The following TENM1 variants were observed in gnomAD, a reference collection of about 807,000 sequenced individuals.
TENM1 encodes the protein teneurin transmembrane protein 1.
A neutral mutation model predicts 174.8 loss-of-function variants in TENM1; 35 were observed. The observed-to-expected ratio is 0.20, with a 90% CI of 0.15 to 0.27. TENM1 has a LOEUF of 0.27. TENM1 is among the 10% of genes least tolerant of loss of function. The pLI, the probability that TENM1 is intolerant of heterozygous loss-of-function variation, is 1.00. For missense variants in TENM1, 1,633 were observed against 2,130.1 expected (o/e 0.77, Z 4.59); for synonymous variants, 781 against 798.7 (o/e 0.98, Z 0.37).
intron 3 of TENM1, among the ~76,000 whole-genome samples, chrX:124,886,544 TATATAGAG>T (rs1343797135): frequency 8.6e-4 from 73 of 84,420 alleles, no homozygotes; most frequent in East Asian, 1.5e-3. Flanking sequence ...TATATATATA[TATATAGAG>T]AGAGAGAGAG....
At chrX:124,948,140 A>G (rs2058429869) in intron 1 of TENM1, among the ~76,000 whole-genome samples, 1 of 112,500 alleles carries the variant, frequency 8.9e-6, no homozygotes, top group Admixed American at 9.4e-5. Flanking sequence ...TTTAATAAAT[A>G]TGGCTATGTA....
the TENM1 span, among the ~76,000 whole-genome samples, chrX:125,084,606 C>T: frequency 9.0e-6 from 1 of 110,628 alleles, no homozygotes; most frequent in Non-Finnish European, 1.9e-5. Flanking sequence ...ATATACATTT[C>T]ACCTCTTAAT....
At chrX:124,685,161 C>T (rs771496693) in intron 5 of TENM1, among the ~76,000 whole-genome samples, 6 of 110,708 alleles carry the variant, frequency 5.4e-5, no homozygotes, top group Non-Finnish European at 9.5e-5. Context: ...ACAACAACAA[C>T]AACAACAACA....
At chrX:124,830,084 A>G (rs1395933239) in intron 3 of TENM1, among the ~76,000 whole-genome samples, 3 of 111,735 alleles carry the variant, frequency 2.7e-5, no homozygotes, top group Non-Finnish European at 5.6e-5. Context: ...GTTTATTTGC[A>G]TTAGTTAATT....
At chrX:124,535,930 G>C (rs1158489701) in intron 15 of TENM1, among the ~76,000 whole-genome samples, 1 of 111,936 alleles carries the variant, frequency 8.9e-6, no homozygotes, top group African/African-American at 3.2e-5. Flanking sequence ...CAACACTCTG[G>C]ATTGAGCATT....
chrX:124,423,079 G>C (rs757875053), intron 23 of TENM1, among the ~76,000 whole-genome samples: 11 of 112,206 alleles, frequency 9.8e-5, no homozygotes, highest in Non-Finnish European at 2.1e-4. Context: ...CGGTAGCTAT[G>C]ATACTCAAAT....
chrX:124,789,644 G>A (rs948433761), intron 3 of TENM1, among the ~76,000 whole-genome samples: 1 of 111,190 alleles, frequency 9.0e-6, no homozygotes, highest in Non-Finnish European at 1.9e-5. Context: ...AAAACATAAC[G>A]AGAGTCATCT....
At chrX:124,937,350 T>C (rs756262703) in intron 1 of TENM1, among the ~76,000 whole-genome samples, 223 of 111,885 alleles carry the variant, frequency 2.0e-3, no homozygotes, top group Non-Finnish European at 3.7e-3. Context: ...TTCTCCTGTC[T>C]AGACTCTATA....
At chrX:124,842,823 T>G (rs2056528781) in intron 3 of TENM1, among the ~76,000 whole-genome samples, 1 of 110,965 alleles carries the variant, frequency 9.0e-6, no homozygotes, top group South Asian at 3.9e-4. Context: ...GGGACATAAT[T>G]TAGTCCATAG....
chrX:124,414,431 G>A (rs769718194), intron 25 of TENM1, among the ~76,000 whole-genome samples: 54 of 111,170 alleles, frequency 4.9e-4, no homozygotes, highest in African/African-American at 1.4e-3. Context: ...GAGTTGCTAG[G>A]CCCCTCCCTC....
intron 8 of TENM1, among the ~76,000 whole-genome samples, chrX:124,648,770 T>A (rs1386620922): frequency 8.9e-6 from 1 of 112,267 alleles, no homozygotes; most frequent in Non-Finnish European, 1.9e-5. Flanking sequence ...AAAATAAGTA[T>A]AGTTGAATTT....
At chrX:124,848,324 C>T (rs2056651414) in intron 3 of TENM1, among the ~76,000 whole-genome samples, 1 of 110,546 alleles carries the variant, frequency 9.0e-6, no homozygotes, top group Admixed American at 9.6e-5. Flanking sequence ...TGGATACTGC[C>T]CCTGTCAATA....
chrX:124,528,230 G>A (rs903153224), intron 16 of TENM1, among the ~76,000 whole-genome samples: 1 of 110,565 alleles, frequency 9.0e-6, no homozygotes, highest in Non-Finnish European at 1.9e-5. Flanking sequence ...CAGCAGAGGA[G>A]GGGCTTGGGG....
chrX:124,896,179 C>A (rs377038677), exon 2 of TENM1: 1 of 1,209,379 alleles, frequency 8.3e-7, no homozygotes, highest in Admixed American at 2.2e-5. Context: ...TGCCGAGAAA[C>A]GCTGTGCATG....
At chrX:124,756,680 C>G (rs1166265548) in intron 3 of TENM1, among the ~76,000 whole-genome samples, 1 of 110,804 alleles carries the variant, frequency 9.0e-6, no homozygotes, top group Admixed American at 9.5e-5. Flanking sequence ...TGTGGATGTC[C>G]TTTCTGTTTG....
At position 124,410,416 on chromosome X, in the gene TENM1, C is replaced by A. The variant is rs778057986; in HGVS notation, c.4983-3927G>T. ...ATGTTAGACCTAAAACCATAAAAAA[C>A]CCTAGAAGAAAACCTAGGCATTACC... On this transcript the variant is annotated intron_variant, in intron 25 of 31. Coordinates refer to ENST00000422452, the Ensembl canonical transcript of TENM1. Among the ~76,000 whole-genome samples the A allele has an allele frequency of 5.4e-5, 6 of 112,082 alleles. No homozygotes were observed. The East Asian group carries it at 1.7e-3, about 31-fold the overall frequency.
chrX:125,185,781 C>A, the TENM1 span, among the ~76,000 whole-genome samples: 1 of 111,523 alleles, frequency 9.0e-6, no homozygotes, highest in Non-Finnish European at 1.9e-5. Flanking sequence ...CTTATATGAA[C>A]GAATGGAAGA....
At chrX:124,420,715 A>C (rs747519227) in exon 25 of TENM1, 1 of 1,210,469 alleles carries the variant, frequency 8.3e-7, no homozygotes, top group Non-Finnish European at 1.1e-6. Flanking sequence ...TGCTGATGGT[A>C]CGAATTCGAA....
chrX:125,050,968 TCTC>T, the TENM1 span, among the ~76,000 whole-genome samples: 1 of 111,847 alleles, frequency 8.9e-6, no homozygotes, highest in Non-Finnish European at 1.9e-5. Context: ...CAGCCCAAAA[TCTC>T]CTTAAGCTGA....
Sources: gnomAD v4.1 joint callset for allele counts (sites outside exome capture counted in the v4.1 genomes callset) on GRCh38, gnomAD v4.1.1 for gene constraint, MANE v1.5 for transcripts, NCBI Gene and HGNC (gene_info 2026-07-23, HGNC 2026-07-21) for gene names.